Variants in USH2A observed in about 807,000 individuals in gnomAD.
USH2A encodes the protein Usher syndrome 2A (autosomal recessive, mild).
Under a neutral mutation model 538.9 loss-of-function variants are expected in USH2A, and 443 were observed. That is an observed-to-expected ratio of 0.82 (90% confidence interval 0.76 to 0.89). The LOEUF (loss-of-function observed/expected upper bound fraction) is 0.89. Among genes scored for constraint, USH2A ranks in the 40% least tolerant of loss-of-function variants. USH2A has a pLI of 0.00. For synonymous variants in USH2A, 2,413 were observed against 2,273.5 expected (o/e 1.06, Z -1.75); for missense variants, 6,633 against 6,324.8 (o/e 1.05, Z -1.65).
chr1:215,742,424 T>TATATATCATATGTTATATATGATATACAC (rs1558078090), intron 59 of USH2A, among the ~76,000 whole-genome samples: 3 of 151,982 alleles, frequency 2.0e-5, no homozygotes, highest in African/African-American at 2.4e-5. Context: ...GATGAGATCA[T>TATATATCATATGTTATATATGATATACAC]ATATATCATA....
chr1:215,833,583 A>T (rs1338412586), intron 47 of USH2A, among the ~76,000 whole-genome samples: 1 of 152,062 alleles, frequency 6.6e-6, no homozygotes, highest in Admixed American at 6.5e-5. Flanking sequence ...ATGTAAACAT[A>T]CAAATGTTCT....
rs78383181 is a variant in USH2A at position 216,344,684 on chromosome 1, G to A, written c.785-17030C>T. Among the ~76,000 whole-genome samples the A allele has an allele frequency of 6.0e-3, 915 of 151,902 alleles. 3 individuals carry two copies. The highest frequency in any genetic ancestry group is 0.036 in the East Asian group (185 of 5,120). The stretch of plus-strand genomic sequence containing the variant: ...TTGCTTGGGTAAAGGATGGAAATGG[G>A]TTAGAGGCCTAATTTAGGGGCGTTA... On this transcript the variant is annotated intron_variant, in intron 4 of 71. Coordinates refer to ENST00000307340, the MANE Select transcript of USH2A (RefSeq NM_206933.4).
At chr1:216,311,145 G>A (rs1171985261) in intron 9 of USH2A, among the ~76,000 whole-genome samples, 2 of 152,154 alleles carry the variant, frequency 1.3e-5, no homozygotes, top group East Asian at 3.9e-4. Context: ...GTCTGCATTG[G>A]TCAAGTTACA....
At chr1:216,244,966 A>G (rs1050720809) in intron 13 of USH2A, among the ~76,000 whole-genome samples, 1 of 152,206 alleles carries the variant, frequency 6.6e-6, no homozygotes, top group Non-Finnish European at 1.5e-5. Flanking sequence ...GTTTACTTAG[A>G]AAGAAGGATG....
intron 10 of USH2A, among the ~76,000 whole-genome samples, chr1:216,291,414 A>G (rs2036999049): frequency 6.6e-6 from 1 of 152,124 alleles, no homozygotes; most frequent in African/African-American, 2.4e-5. Context: ...CATTCCTTTC[A>G]ATAGTCTGTC....
intron 32 of USH2A, among the ~76,000 whole-genome samples, chr1:216,001,246 G>C (rs1379774609): frequency 6.6e-6 from 1 of 152,044 alleles, no homozygotes; most frequent in African/African-American, 2.4e-5. Flanking sequence ...TATTCATTTT[G>C]CATCCTTAGT....
chr1:216,216,571 A>G (rs1572059176), intron 15 of USH2A, among the ~76,000 whole-genome samples: 1 of 152,184 alleles, frequency 6.6e-6, no homozygotes, highest in East Asian at 1.9e-4. Flanking sequence ...ATAGCACAAT[A>G]TGTTGTAGAG....
intron 35 of USH2A, among the ~76,000 whole-genome samples, chr1:215,977,409 ATT>A: frequency 1.3e-5 from 2 of 152,300 alleles, no homozygotes; most frequent in Admixed American, 6.5e-5. Flanking sequence ...CAAAGTTTTG[ATT>A]TATGAGTAGC....
intron 32 of USH2A, among the ~76,000 whole-genome samples, chr1:216,044,749 T>A (rs896017101): frequency 6.6e-6 from 1 of 152,162 alleles, no homozygotes; most frequent in African/African-American, 2.4e-5. Context: ...CTTGGGTTAG[T>A]ACCAAAGCCT....
intron 52 of USH2A, among the ~76,000 whole-genome samples, chr1:215,785,769 C>T (rs1216287917): frequency 6.6e-6 from 1 of 152,072 alleles, no homozygotes; most frequent in Non-Finnish European, 1.5e-5. Context: ...AGTAGCCTGC[C>T]TTACTTTCTG....
chr1:215,780,651 C>T (rs902556398), intron 54 of USH2A, among the ~76,000 whole-genome samples: 1 of 152,224 alleles, frequency 6.6e-6, no homozygotes, highest in Non-Finnish European at 1.5e-5. Flanking sequence ...AAATTGGCTT[C>T]TTTCATAGAA....
At chr1:215,882,494 C>T (rs1664937813) in intron 41 of USH2A, among the ~76,000 whole-genome samples, 1 of 151,996 alleles carries the variant, frequency 6.6e-6, no homozygotes, top group Non-Finnish European at 1.5e-5. Context: ...TTCAAATATT[C>T]TATTTGTATT....
intron 9 of USH2A, among the ~76,000 whole-genome samples, chr1:216,301,178 C>A (rs1298372532): frequency 6.6e-6 from 1 of 152,134 alleles, no homozygotes; most frequent in Non-Finnish European, 1.5e-5. Context: ...ATACAACAAT[C>A]TTAAATGCCT....
Position 216,232,233 on chromosome 1 carries a change from C to A in USH2A, c.2810-97G>T, listed in dbSNP as rs942470234. The stretch of plus-strand genomic sequence containing the variant: ...TTACACAGAAAAACAGAATACTCTA[C>A]CAAGGCACTAATTCCCAATACAAAT... On this transcript the variant is annotated intron_variant, in intron 13 of 71. Coordinates refer to ENST00000307340, the MANE Select transcript of USH2A (RefSeq NM_206933.4). 7.5e-6 allele frequency: 10 copies of A among 1,325,128 alleles called. 1 individual carries two copies. Among genetic ancestry groups the A allele is most frequent in the Non-Finnish European group, 1.0e-5 (10 of 967,628 alleles). 82.1% of individuals were successfully genotyped at this position (1,325,128 alleles called of 1,614,324 possible). A position where few individuals can be genotyped will look rare whatever the true frequency, so the allele number is the denominator to read the frequency against.
chr1:215,884,692 T>C (rs565625290), intron 41 of USH2A, among the ~76,000 whole-genome samples: 23 of 152,370 alleles, frequency 1.5e-4, no homozygotes, highest in African/African-American at 5.3e-4. Flanking sequence ...ACATCAAACA[T>C]TGGCCCATCT....
chr1:215,691,404 T>C (rs1158289205), intron 61 of USH2A, among the ~76,000 whole-genome samples: 2 of 152,144 alleles, frequency 1.3e-5, no homozygotes, highest in African/African-American at 2.4e-5. Flanking sequence ...ACTAGTCTTG[T>C]TGAAAATTTT....
chr1:216,404,943 G>A (rs1305481750), intron 3 of USH2A, among the ~76,000 whole-genome samples: 1 of 142,898 alleles, frequency 7.0e-6, no homozygotes, highest in Non-Finnish European at 1.5e-5. Flanking sequence ...TAAAGAAAAG[G>A]TGCCCAGGCT....
intron 21 of USH2A, among the ~76,000 whole-genome samples, chr1:216,143,059 G>A (rs903789872): frequency 4.6e-5 from 7 of 151,942 alleles, no homozygotes; most frequent in African/African-American, 1.5e-4. Context: ...TTTTCTTACA[G>A]GCCCCATTTT....
chr1:215,856,175 G>A (rs1027594883), intron 44 of USH2A, among the ~76,000 whole-genome samples: 1 of 152,054 alleles, frequency 6.6e-6, no homozygotes, highest in Non-Finnish European at 1.5e-5. Flanking sequence ...CAAAAAGAAA[G>A]ATAAATAGTT....
Sources: gnomAD v4.1 joint callset for allele counts (sites outside exome capture counted in the v4.1 genomes callset) on GRCh38, gnomAD v4.1.1 for gene constraint, MANE v1.5 for transcripts, NCBI Gene and HGNC (gene_info 2026-07-23, HGNC 2026-07-21) for gene names.